TRAK1: variants seen among roughly 807,000 people sequenced by gnomAD.
The protein encoded by TRAK1 is trafficking kinesin-binding protein 1.
Under a neutral mutation model 92.1 loss-of-function variants are expected in TRAK1, and 33 were observed. The ratio of observed to expected loss-of-function variants is 0.36; its 90% confidence interval spans 0.27 to 0.48. The LOEUF (loss-of-function observed/expected upper bound fraction) is 0.48, where lower values mean the gene tolerates loss of function less well. Among genes scored for constraint, TRAK1 ranks in the 20% least tolerant of loss-of-function variants. The pLI is 0.99. For missense variants in TRAK1, 1,123 were observed against 1,257.9 expected (o/e 0.89, Z 1.62); for synonymous variants, 521 against 517.3 (o/e 1.01, Z -0.10).
chr3:42,135,806 G>A (rs1697881479), intron 2 of TRAK1, among the ~76,000 whole-genome samples: 2 of 152,132 alleles, frequency 1.3e-5, no homozygotes, highest in African/African-American at 4.8e-5. Context: ...GTCTTCTCTT[G>A]CCTACATCTT....
chr3:42,088,532 T>C (rs1295892771), upstream of TRAK1, among the ~76,000 whole-genome samples: 2 of 152,212 alleles, frequency 1.3e-5, no homozygotes, highest in Non-Finnish European at 2.9e-5. Context: ...ATCTCCCTCT[T>C]CGGAAATAGA....
At chr3:42,136,881 C>T (rs1698027571) in intron 2 of TRAK1, among the ~76,000 whole-genome samples, 1 of 152,094 alleles carries the variant, frequency 6.6e-6, no homozygotes, top group South Asian at 2.1e-4. Context: ...CAGGGTTTCA[C>T]CCTGTTGGCC....
intron 3 of TRAK1, among the ~76,000 whole-genome samples, chr3:42,180,068 A>C (rs1305991928): frequency 6.6e-6 from 1 of 152,110 alleles, no homozygotes; most frequent in Non-Finnish European, 1.5e-5. Context: ...AGTAAACATT[A>C]ATCATATTTT....
At chr3:42,222,432 A>T (rs2077239) in intron 15 of TRAK1, among the ~76,000 whole-genome samples, 73,675 of 151,952 alleles carry the variant, frequency 0.48, 18,775 homozygotes, top group African/African-American at 0.65. Flanking sequence ...ACTGTGGCCA[A>T]CCTTACCCTT....
intron 1 of TRAK1, among the ~76,000 whole-genome samples, chr3:42,120,051 T>A (rs980667517): frequency 6.6e-6 from 1 of 151,868 alleles, no homozygotes; most frequent in Admixed American, 6.6e-5. Flanking sequence ...AAACAAAAAA[T>A]AAAAAAATAA....
intron 2 of TRAK1, among the ~76,000 whole-genome samples, chr3:42,132,569 A>G (rs1432340379): frequency 1.3e-5 from 2 of 151,942 alleles, no homozygotes; most frequent in African/African-American, 4.8e-5. Context: ...CCAGCCTAAA[A>G]TTTTGTATTG....
chr3:42,056,403 T>C (rs1703207627), intron 1 of TRAK1, among the ~76,000 whole-genome samples: 1 of 152,206 alleles, frequency 6.6e-6, no homozygotes, highest in Non-Finnish European at 1.5e-5. Flanking sequence ...GGTATCTCAT[T>C]ATGGTTTTGA....
chr3:42,065,774 C>T (rs771095430), intron 1 of TRAK1, among the ~76,000 whole-genome samples: 5 of 151,984 alleles, frequency 3.3e-5, no homozygotes, highest in African/African-American at 4.8e-5. Context: ...GGACTATAGG[C>T]GTGTACCACC....
intron 10 of TRAK1, among the ~76,000 whole-genome samples, chr3:42,197,527 T>A (rs111689005): frequency 0.01 from 1,525 of 152,330 alleles, 21 homozygotes; most frequent in African/African-American, 0.035. Context: ...GGGCTGACTG[T>A]AGTAATTTGA....
At chr3:42,069,320 CAA>C (rs67809792) in intron 1 of TRAK1, among the ~76,000 whole-genome samples, 1 of 137,276 alleles carries the variant, frequency 7.3e-6, no homozygotes, top group Non-Finnish European at 1.6e-5. Context: ...GACCCTGTCT[CAA>C]AAAAAAAAAG....
chr3:42,047,708 T>TA (rs1336731445), intron 1 of TRAK1, among the ~76,000 whole-genome samples: 1 of 152,186 alleles, frequency 6.6e-6, no homozygotes, highest in Non-Finnish European at 1.5e-5. Flanking sequence ...CAACCAATTT[T>TA]AAAGGTTCCA....
At position 42,219,559 on chromosome 3, in the gene TRAK1, C is replaced by G; in HGVS notation, c.2029C>G (p.Leu677Val). 2 of 1,610,152 alleles carry G rather than the reference C, an allele frequency of 1.2e-6. No individual in the cohort carries two copies. The highest frequency in any genetic ancestry group is 1.7e-6 in the Non-Finnish European group (2 of 1,177,696). Reference sequence around the variant, plus strand: ...CTTCACCTTCACCACCTGTCGCATCCTGCATCCTTCAGATGAGCTCACTCG... The same window carrying G: ...CTTCACCTTCACCACCTGTCGCATCGTGCATCCTTCAGATGAGCTCACTCG... ...STFTFTTCRI[L>V]HPSDELTRVT... The change falls in exon 15 of 16, where the codon CTG becomes GTG. Residue 677 changes from leucine (L) to valine (V), a missense_variant. Physicochemically the swap from Leu to Val is conservative, Grantham distance 32. Transcript: ENST00000327628.
chr3:42,032,426 G>A (rs916575994), intron 1 of TRAK1, among the ~76,000 whole-genome samples: 2 of 150,146 alleles, frequency 1.3e-5, no homozygotes, highest in African/African-American at 5.0e-5. Context: ...GTCTTGCCAA[G>A]TACTGTGGGA....
At chr3:42,058,428 C>G (rs1703286354) in intron 1 of TRAK1, among the ~76,000 whole-genome samples, 2 of 152,148 alleles carry the variant, frequency 1.3e-5, no homozygotes, top group South Asian at 4.1e-4. Flanking sequence ...ACCTCTGCCT[C>G]CCGGGTTCAA....
intron 1 of TRAK1, among the ~76,000 whole-genome samples, chr3:42,046,244 A>G (rs1702743669): frequency 6.6e-6 from 1 of 152,168 alleles, no homozygotes; most frequent in Non-Finnish European, 1.5e-5. Context: ...ATTTGGAACC[A>G]GAAGCTTTGC....
chr3:42,223,945 C>A lies in TRAK1; in HGVS notation c.*208C>A. ...ATAGGACTTGGAGACCTTGTGTCCG[C>A]CCTGCTCTTTCTTCCGATCCCACAG... is the stretch of plus-strand genomic sequence containing the variant. On this transcript the variant is annotated 3_prime_UTR_variant, in exon 16 of 16. Transcript: ENST00000327628. This position sits in a 1 kb window ranked among gnomAD's most constrained non-coding sequence, Gnocchi z 6.1. 1 of 666,680 alleles carries A rather than the reference C, an allele frequency of 1.5e-6. No individual in the cohort carries two copies. The highest frequency in any genetic ancestry group is 2.6e-6 in the Non-Finnish European group (1 of 378,630). 41.3% of individuals were successfully genotyped at this position (666,680 alleles called of 1,614,324 possible).
At position 42,223,162 on chromosome 3, in the gene TRAK1, G is replaced by T. The variant is rs771320611; in HGVS notation, c.2287G>T (p.Gly763Cys). The stretch of plus-strand genomic sequence containing the variant: ...CGACCCCCAGAGCTGGGACAGGGCC[G>T]GCCGGGGCTCCCTCCTGCACTCCTA... ...VYDPQSWDRA[G>C]RGSLLHSYTP... Residue 763 changes from glycine to cysteine, a missense_variant, in exon 16 of 16, where the codon GGC (glycine) becomes TGC (cysteine). Physicochemically the swap from Gly to Cys is radical, Grantham distance 159. Coordinates refer to ENST00000327628, the MANE Select transcript of TRAK1 (RefSeq NM_001042646.3). The surrounding 1 kb of genome is among the most constrained non-coding windows in gnomAD (Gnocchi z 6.1). 1 of 1,613,978 alleles carries T rather than the reference G, an allele frequency of 6.2e-7. No individual in the cohort carries two copies. Among genetic ancestry groups the T allele is most frequent in the Non-Finnish European group, 8.5e-7 (1 of 1,180,004 alleles).
chr3:42,066,717 T>A (rs1478559385), intron 1 of TRAK1, among the ~76,000 whole-genome samples: 3 of 152,198 alleles, frequency 2.0e-5, no homozygotes, highest in Non-Finnish European at 4.4e-5. Context: ...GCCCACTCAC[T>A]CTAAGGCCAT....
intron 1 of TRAK1, among the ~76,000 whole-genome samples, chr3:42,028,829 G>T (rs985587574): frequency 2.0e-5 from 3 of 152,202 alleles, no homozygotes; most frequent in Admixed American, 6.5e-5. Context: ...GGAGGAAGCT[G>T]CAGGGGAGTG....
Sources: gnomAD v4.1 joint callset for allele counts (sites outside exome capture counted in the v4.1 genomes callset) on GRCh38, gnomAD v4.1.1 for gene constraint, Gnocchi (gnomAD v3.1) non-coding constraint, MANE v1.5 for transcripts, NCBI Gene and HGNC (gene_info 2026-07-23, HGNC 2026-07-21) for gene names.